The following SMYD3 variants were observed in gnomAD, a reference collection of about 807,000 sequenced individuals.
SMYD3 encodes histone-lysine N-methyltransferase SMYD3.
Under a neutral mutation model 57.7 loss-of-function variants are expected in SMYD3, and 36 were observed. That is an observed-to-expected ratio of 0.62 (90% confidence interval 0.48 to 0.82). SMYD3 has a LOEUF of 0.82. Ranked by LOEUF, SMYD3 falls within the 40% of genes least tolerant of loss-of-function variation. The pLI is 0.00. For synonymous variants in SMYD3, 211 were observed against 195.0 expected, an observed-to-expected ratio of 1.08 and a Z score of -0.68; for missense variants, 515 against 538.8, an observed-to-expected ratio of 0.96 and a Z score of 0.44.
chr1:245,999,925 G>C (rs528604748), intron 5 of SMYD3, among the ~76,000 whole-genome samples: 16 of 152,262 alleles, frequency 1.1e-4, no homozygotes, highest in East Asian at 1.9e-4. Context: ...GTACCTGCTA[G>C]GCACCAGGGA....
At chr1:245,754,722 G>A (rs2045537613) in intron 11 of SMYD3, among the ~76,000 whole-genome samples, 2 of 152,170 alleles carry the variant, frequency 1.3e-5, no homozygotes, top group Non-Finnish European at 2.9e-5. Context: ...CTTTTGGGAG[G>A]CAGAATTTCC....
chr1:246,170,095 G>A (rs1018175652), intron 5 of SMYD3, among the ~76,000 whole-genome samples: 28 of 151,850 alleles, frequency 1.8e-4, no homozygotes, highest in Non-Finnish European at 2.9e-5. Context: ...ACAGAATAAG[G>A]AAAAAAGAGA....
intron 8 of SMYD3, among the ~76,000 whole-genome samples, chr1:245,891,297 T>C (rs1487347207): frequency 6.6e-6 from 1 of 152,258 alleles, no homozygotes; most frequent in East Asian, 1.9e-4. Context: ...ACATGATTAT[T>C]ACACATTGTA....
chr1:245,814,607 T>C (rs1424345287), intron 10 of SMYD3, among the ~76,000 whole-genome samples: 4 of 152,202 alleles, frequency 2.6e-5, no homozygotes, highest in Non-Finnish European at 5.9e-5. Flanking sequence ...CTTGATCTTC[T>C]GTGCCATGTG....
At position 246,202,866 on chromosome 1, in the gene SMYD3, G is replaced by A. The variant is rs988660856; in HGVS notation, c.531+124335C>T. On this transcript the variant is annotated intron_variant, in intron 5 of 11. Coordinates refer to ENST00000490107, the MANE Select transcript of SMYD3 (RefSeq NM_001167740.2). The surrounding 1 kb of genome is among the most constrained non-coding windows in gnomAD (Gnocchi z 4.1). ...CTGGAGGCTGGGTGAGGTGGCTCAC[G>A]CTTTAATCCCAGCACTTTGGGAGGC... is the stretch of plus-strand genomic sequence containing the variant. Among the ~76,000 whole-genome samples the A allele has an allele frequency of 7.9e-5, 12 of 152,148 alleles. No individual in the cohort carries two copies. The highest frequency in any genetic ancestry group is 7.2e-4 in the Admixed American group (11 of 15,278).
intron 5 of SMYD3, chr1:245,953,150 G>T (rs2057719046): frequency 2.4e-6 from 2 of 831,168 alleles, no homozygotes; most frequent in Non-Finnish European, 3.0e-6. Flanking sequence ...TTTCCCCAAA[G>T]AGGAATTGAA....
intron 5 of SMYD3, among the ~76,000 whole-genome samples, chr1:246,016,067 G>T (rs559289144): frequency 6.6e-6 from 1 of 152,094 alleles, no homozygotes; most frequent in Non-Finnish European, 1.5e-5. Context: ...GGCTGATCCC[G>T]TCAGTGGCGG....
chr1:245,911,216 C>T (rs1193010785), intron 8 of SMYD3, among the ~76,000 whole-genome samples: 1 of 151,946 alleles, frequency 6.6e-6, no homozygotes, highest in African/African-American at 2.4e-5. Flanking sequence ...AAGAAAATAA[C>T]AAATGCTGGC....
intron 1 of SMYD3, among the ~76,000 whole-genome samples, chr1:246,403,200 A>G (rs1443891624): frequency 2.0e-5 from 3 of 152,188 alleles, no homozygotes; most frequent in Non-Finnish European, 4.4e-5. Flanking sequence ...AACTAGTTGC[A>G]TAAATTACAG....
intron 10 of SMYD3, among the ~76,000 whole-genome samples, chr1:245,854,221 TGAGGA>T (rs1431157729): frequency 6.6e-6 from 1 of 152,218 alleles, no homozygotes; most frequent in Non-Finnish European, 1.5e-5. Flanking sequence ...CATATTTTCT[TGAGGA>T]AAGAGTGACA....
intron 1 of SMYD3, among the ~76,000 whole-genome samples, chr1:246,382,086 T>G (rs892649073): frequency 2.0e-5 from 3 of 150,882 alleles, no homozygotes; most frequent in African/African-American, 7.3e-5. Flanking sequence ...GGCCAGCTCC[T>G]GTAGCCCCAG....
chr1:246,040,012 C>T (rs927438412), intron 5 of SMYD3, among the ~76,000 whole-genome samples: 3 of 152,158 alleles, frequency 2.0e-5, no homozygotes, highest in African/African-American at 7.2e-5. Flanking sequence ...AGTTAACGTC[C>T]GACATGATCT....
rs187042625 is a variant in SMYD3, at chr1:246,301,274, T to A, written c.531+25927A>T. On this transcript the variant is annotated intron_variant, in intron 5 of 11. Coordinates refer to ENST00000490107, the MANE Select transcript of SMYD3 (RefSeq NM_001167740.2). ...ACTTCCACCATTCGACAGATTCAAA[T>A]CAGCAAACATTTATTAAGCAATTCA... Among the ~76,000 whole-genome samples the A allele has an allele frequency of 2.0e-3, 309 of 152,270 alleles. 5 individuals are homozygous for A. The highest frequency in any genetic ancestry group is 0.016 in the Admixed American group (237 of 15,280).
At chr1:245,786,214 G>GA (rs374970293) in intron 10 of SMYD3, among the ~76,000 whole-genome samples, 2 of 68,724 alleles carry the variant, frequency 2.9e-5, no homozygotes, top group Non-Finnish European at 4.7e-5. Context: ...GGGTGTGGAC[G>GA]GGGGGGGGAT....
chr1:246,462,536 C>T (rs2067818188), intron 1 of SMYD3, among the ~76,000 whole-genome samples: 1 of 152,140 alleles, frequency 6.6e-6, no homozygotes, highest in Non-Finnish European at 1.5e-5. Flanking sequence ...CACAAAACTG[C>T]ATGTCAGATC....
At chr1:246,001,300 G>A (rs2059039069) in intron 5 of SMYD3, among the ~76,000 whole-genome samples, 1 of 152,164 alleles carries the variant, frequency 6.6e-6, no homozygotes, top group African/African-American at 2.4e-5. Context: ...TTGCTCCAAG[G>A]AGAAAAATAT....
chr1:246,404,908 C>T (rs1443217607), intron 1 of SMYD3, among the ~76,000 whole-genome samples: 3 of 152,002 alleles, frequency 2.0e-5, no homozygotes, highest in Non-Finnish European at 2.9e-5. Flanking sequence ...CACTTTTTTA[C>T]TCTTATTATA....
intron 5 of SMYD3, among the ~76,000 whole-genome samples, chr1:246,019,556 T>A (rs79299969): frequency 0.029 from 4,392 of 152,294 alleles, 215 homozygotes; most frequent in African/African-American, 0.099. Context: ...ATCTTTGTTA[T>A]TTCCACAAAA....
intron 5 of SMYD3, among the ~76,000 whole-genome samples, chr1:246,107,037 C>T (rs7538637): frequency 0.83 from 125,489 of 150,744 alleles, 52,466 homozygotes; most frequent in Admixed American, 0.88. Context: ...CGGTGGCTCA[C>T]GCCTGTAATC....
Sources: allele counts gnomAD v4.1 joint callset (sites outside exome capture counted in the v4.1 genomes callset), GRCh38; gene constraint gnomAD v4.1.1; non-coding constraint Gnocchi (gnomAD v3.1); transcripts MANE v1.5; gene names NCBI Gene and HGNC (gene_info 2026-07-23, HGNC 2026-07-21).